The following PTDSS1 variants were observed in gnomAD, a reference collection of about 807,000 sequenced individuals.
PTDSS1 encodes the protein PSS-1.
Under a neutral mutation model 70.5 loss-of-function variants are expected in PTDSS1, and 45 were observed. That is an observed-to-expected ratio of 0.64 (90% confidence interval 0.50 to 0.82). The LOEUF (loss-of-function observed/expected upper bound fraction) is 0.82. Among genes scored for constraint, PTDSS1 ranks in the 40% least tolerant of loss-of-function variants. PTDSS1 has a pLI of 0.00. For missense variants in PTDSS1, 417 were observed against 586.1 expected, an observed-to-expected ratio of 0.71 and a Z score of 2.98; for synonymous variants, 188 against 203.8, an observed-to-expected ratio of 0.92 and a Z score of 0.66.
chr8:96,264,550 A>G (rs961471877), intron 1 of PTDSS1, among the ~76,000 whole-genome samples: 5 of 152,208 alleles, frequency 3.3e-5, no homozygotes, highest in African/African-American at 1.2e-4. Context: ...TGAAATAATG[A>G]AATTAGTGAG....
chr8:96,266,765 A>T (rs1229912254), intron 1 of PTDSS1, among the ~76,000 whole-genome samples: 2 of 152,262 alleles, frequency 1.3e-5, no homozygotes, highest in African/African-American at 2.4e-5. Flanking sequence ...TCCAGTTATC[A>T]ATGATTGTTA....
At chr8:96,323,593 C>T (rs1461517836) in intron 10 of PTDSS1, among the ~76,000 whole-genome samples, 2 of 152,184 alleles carry the variant, frequency 1.3e-5, no homozygotes, top group East Asian at 1.9e-4. Flanking sequence ...GGAGTAGAGT[C>T]CCTAGGTAGC....
At position 96,306,304 on chromosome 8, in the gene PTDSS1, A is replaced by G. The variant is rs114668537; in HGVS notation, c.895-140A>G. On this transcript the variant is annotated intron_variant, in intron 7 of 12. Transcript: ENST00000517309. ...TGGCTGTTAACTAGTTTGAATAGCA[A>G]TCCTTGGAAGACCACATCTATTCTC... is the stretch of plus-strand genomic sequence containing the variant. 1.9e-3 allele frequency: 1,263 copies of G among 674,466 alleles called. 10 individuals are homozygous for G. In the African/African-American group the frequency reaches 0.02, roughly 10 times the overall value. The allele number at this position is 674,466 out of a possible 1,614,324, so 41.8% of individuals were successfully genotyped here. A position where few individuals can be genotyped will look rare whatever the true frequency, so the allele number is the denominator to read the frequency against.
At chr8:96,309,884 C>T (rs952659063) in intron 9 of PTDSS1, among the ~76,000 whole-genome samples, 7 of 151,844 alleles carry the variant, frequency 4.6e-5, no homozygotes, top group Non-Finnish European at 5.9e-5. Flanking sequence ...TTATTTTGGC[C>T]GGGTGCAGTG....
At chr8:96,294,956 T>TAA (rs1810954213) in intron 4 of PTDSS1, 142 bp from the exon 5 acceptor site, 2 of 744,706 alleles carry the variant, frequency 2.7e-6, no homozygotes, top group African/African-American at 3.6e-5. Flanking sequence ...GGCCCTTAAG[T>TAA]TATTAAAACT....
At chr8:96,294,591 A>G (rs1322267822) in intron 4 of PTDSS1, among the ~76,000 whole-genome samples, 1 of 152,088 alleles carries the variant, frequency 6.6e-6, no homozygotes, top group Non-Finnish European at 1.5e-5. Flanking sequence ...TTTTTCTAGC[A>G]TAACTATTTA....
At chr8:96,306,421 A>T in intron 7 of PTDSS1, 23 bp from the exon 8 acceptor site, 2 of 1,550,680 alleles carry the variant, frequency 1.3e-6, no homozygotes, top group South Asian at 1.1e-5. Flanking sequence ...TACCAGGTTG[A>T]CTAATTTCTC....
At chr8:96,312,596 T>TA (rs1258141244) in intron 9 of PTDSS1, among the ~76,000 whole-genome samples, 2 of 152,154 alleles carry the variant, frequency 1.3e-5, no homozygotes, top group East Asian at 3.9e-4. Context: ...TCACTGGGCT[T>TA]AGTGTGCTTT....
rs7835798 is a variant in PTDSS1, at chr8:96,331,051, C to A, written c.1268C>A (p.Thr423Asn). Residue 423 changes from threonine (T) to asparagine (N), a missense_variant, in exon 12 of 13, where the codon ACC (threonine) becomes AAC (asparagine). Coordinates refer to ENST00000517309, the MANE Select transcript of PTDSS1 (RefSeq NM_014754.3). Reference protein sequence around the residue: ...EKTYSECEDGTYSPEISWHHR... With the variant: ...EKTYSECEDGNYSPEISWHHR... The stretch of plus-strand genomic sequence containing the variant: ...ACCTACTCGGAGTGTGAAGATGGCA[C>A]CTACAGTCCAGAGATCTCCTGGCAT... 4,404 of 1,613,554 alleles carry A rather than the reference C, an allele frequency of 2.7e-3. 102 individuals carry two copies. In the African/African-American group the frequency reaches 0.05, roughly 18 times the overall value.
chr8:96,298,663 A>G (rs574976237), intron 5 of PTDSS1, among the ~76,000 whole-genome samples: 5 of 152,332 alleles, frequency 3.3e-5, no homozygotes, highest in African/African-American at 7.2e-5. Flanking sequence ...TCCAGAGGCC[A>G]AAAGAACCTT....
At chr8:96,304,706 G>A (rs113307725) in intron 7 of PTDSS1, among the ~76,000 whole-genome samples, 7,685 of 152,268 alleles carry the variant, frequency 0.05, 510 homozygotes, top group African/African-American at 0.15. Flanking sequence ...ACTTCACGAC[G>A]GAAGTGATTC....
intron 6 of PTDSS1, among the ~76,000 whole-genome samples, chr8:96,303,161 T>C (rs1417594966): frequency 2.0e-5 from 3 of 152,272 alleles, no homozygotes; most frequent in Non-Finnish European, 4.4e-5. Flanking sequence ...AGTCTTTCTA[T>C]GCACTTTGCT....
chr8:96,290,629 ACTT>A (rs1810889885), intron 4 of PTDSS1, among the ~76,000 whole-genome samples: 1 of 151,926 alleles, frequency 6.6e-6, no homozygotes, highest in Non-Finnish European at 1.5e-5. Flanking sequence ...ATCCCTTTAT[ACTT>A]CTTTAAATTG....
chr8:96,318,725 T>C (rs943531834), intron 9 of PTDSS1, among the ~76,000 whole-genome samples: 1 of 152,062 alleles, frequency 6.6e-6, no homozygotes, highest in African/African-American at 2.4e-5. Flanking sequence ...AGCCCCAGAC[T>C]CTCTAAAGAC....
intron 10 of PTDSS1, among the ~76,000 whole-genome samples, chr8:96,321,553 C>G (rs1275805938): frequency 1.3e-5 from 2 of 152,158 alleles, no homozygotes; most frequent in Non-Finnish European, 2.9e-5. Context: ...TAGATTTTCC[C>G]ACAGTCTGGA....
At chr8:96,285,692 C>A (rs1275849523) in intron 3 of PTDSS1, among the ~76,000 whole-genome samples, 1 of 152,092 alleles carries the variant, frequency 6.6e-6, no homozygotes, top group Non-Finnish European at 1.5e-5. Flanking sequence ...TATAGATAGA[C>A]CCATTCCCTA....
Position 96,262,858 on chromosome 8 carries a change from C to T in PTDSS1, c.179+639C>T, listed in dbSNP as rs780912818. On this transcript the variant is annotated intron_variant, in intron 1 of 12. Transcript: ENST00000517309. This position sits in a 1 kb window ranked among gnomAD's most constrained non-coding sequence, Gnocchi z 4.4. Reference sequence around the variant, plus strand: ...CCAGCCTCAAACACTACCATCTGTACCACGGCACAAACTGCCACTCTAAAC... The same window carrying T: ...CCAGCCTCAAACACTACCATCTGTATCACGGCACAAACTGCCACTCTAAAC... 6.6e-6 allele frequency among the ~76,000 whole-genome samples: 1 copy of T among 152,196 alleles called. No individual in the cohort carries two copies. The highest frequency in any genetic ancestry group is 1.5e-5 in the Non-Finnish European group (1 of 68,032).
intron 9 of PTDSS1, among the ~76,000 whole-genome samples, chr8:96,314,443 C>G (rs34545432): frequency 6.6e-6 from 1 of 150,872 alleles, no homozygotes; most frequent in Non-Finnish European, 1.5e-5. Context: ...GGAGGGGGGT[C>G]CCTTCCCAGC....
intron 6 of PTDSS1, among the ~76,000 whole-genome samples, chr8:96,303,784 C>T (rs1811082826): frequency 6.6e-6 from 1 of 151,992 alleles, no homozygotes. Context: ...TGCAGTTTTA[C>T]GTGGGAGACA....
Sources: gnomAD v4.1 joint callset for allele counts (sites outside exome capture counted in the v4.1 genomes callset) on GRCh38, gnomAD v4.1.1 for gene constraint, Gnocchi (gnomAD v3.1) non-coding constraint, MANE v1.5 for transcripts, NCBI Gene and HGNC (gene_info 2026-07-23, HGNC 2026-07-21) for gene names.